The following TMEM270 variants were observed in gnomAD, a reference collection of about 807,000 sequenced individuals.
TMEM270 encodes the protein transmembrane protein 270, also known as Williams-Beuren syndrome chromosome region 28.
Under a neutral mutation model 29.9 loss-of-function variants are expected in TMEM270, and 30 were observed. The ratio of observed to expected loss-of-function variants is 1.00; its 90% CI spans 0.75 to 1.36. The LOEUF is 1.36. Among genes scored for constraint, TMEM270 ranks in the 40% most tolerant of loss-of-function variants. The pLI is 0.00. For synonymous variants in TMEM270, 135 were observed against 139.8 expected (o/e 0.97, Z 0.24); for missense variants, 313 against 307.1 (o/e 1.02, Z -0.14).
intron 1 of TMEM270, among the ~76,000 whole-genome samples, chr7:73,863,137 C>T (rs1411183762): frequency 6.6e-6 from 1 of 152,130 alleles, no homozygotes. Context: ...CTCCACGTCC[C>T]AAGCTCTGCA....
At chr7:73,864,679 G>A (rs988051633) in intron 1 of TMEM270, among the ~76,000 whole-genome samples, 1 of 151,840 alleles carries the variant, frequency 6.6e-6, no homozygotes, top group Non-Finnish European at 1.5e-5. Flanking sequence ...GAGGCGGGTG[G>A]ATCATCTAAG....
At position 73,865,775 on chromosome 7, in the gene TMEM270, CAGG is replaced by C. The variant is rs1329182644; in HGVS notation, c.704_706del (p.Glu235del). 2.1e-5 allele frequency: 34 copies of C among 1,613,972 alleles called. No individual in the cohort carries two copies. Among genetic ancestry groups the C allele is most frequent in the Non-Finnish European group, 2.8e-5 (33 of 1,180,032 alleles). ...GGCCGAGGCCCAGGAGGTTGAACCC[CAGG>C]AGGTCTCAGGGTCTTCCTTGCTGCC... On this transcript the variant is annotated inframe_deletion, in exon 3 of 3. Coordinates refer to ENST00000320531, the MANE Select transcript of TMEM270 (RefSeq NM_182504.4).
chr7:73,865,663 C>T lies in TMEM270; in HGVS notation c.588C>T (p.Thr196=). ...YWWVETMTAL[T]SWHLAYLITW... is the part of the protein sequence containing the mutation. ...GGGTGGAGACTATGACTGCCCTCAC[C>T]TCCTGGCACCTGGCCTATCTCATCA... The change falls in exon 3 of 3, where the codon ACC becomes ACT. Residue 196 remains threonine (T), a synonymous_variant. Coordinates refer to ENST00000320531, the MANE Select transcript of TMEM270 (RefSeq NM_182504.4). The T allele has an allele frequency of 6.2e-7, 1 of 1,614,102 alleles. No individual in the cohort carries two copies. The highest frequency in any genetic ancestry group is 8.5e-7 in the Non-Finnish European group (1 of 1,179,986).
chr7:73,860,896 C>T (rs1417267899), upstream of TMEM270, among the ~76,000 whole-genome samples: 1 of 152,198 alleles, frequency 6.6e-6, no homozygotes, highest in Non-Finnish European at 1.5e-5. Context: ...ATCCTCCTAC[C>T]TTGGCCTCCC....
rs782345453 is a variant in TMEM270 at position 73,865,236 on chromosome 7, A to T, written c.316A>T (p.Thr106Ser). The change falls in exon 2 of 3, where the codon ACC becomes TCC. Residue 106 changes from threonine (T) to serine (S), a missense_variant. Physicochemically the swap from Thr to Ser is moderately conservative, Grantham distance 58. Transcript: ENST00000320531. ...RLMWAGMWGS[T>S]KGLGLALLSA... ...GATGTGGGCTGGCATGTGGGGCAGCACCAAGGGCCTGGGCCTGGCCTTGCT... is the reference window on the plus strand; with the variant it reads ...GATGTGGGCTGGCATGTGGGGCAGCTCCAAGGGCCTGGGCCTGGCCTTGCT... The T allele has an allele frequency of 6.2e-7, 1 of 1,613,674 alleles. No individual in the cohort carries two copies. Among genetic ancestry groups the T allele is most frequent in the South Asian group, 1.1e-5 (1 of 91,084 alleles).
chr7:73,864,184 G>T (rs1038928842), intron 1 of TMEM270, among the ~76,000 whole-genome samples: 1 of 150,572 alleles, frequency 6.6e-6, no homozygotes, highest in Non-Finnish European at 1.5e-5. Flanking sequence ...CTACTTGGGA[G>T]GCTAATGGGG....
chr7:73,861,558 TC>T, intron 1 of TMEM270: 7 of 556,016 alleles, frequency 1.3e-5, no homozygotes, highest in Non-Finnish European at 1.7e-5. Context: ...CAAGCAATCC[TC>T]CCCCCTCAGC....
intron 1 of TMEM270, 36 bp from the exon 2 acceptor site, chr7:73,864,957 G>T: frequency 2.9e-6 from 4 of 1,403,212 alleles, no homozygotes; most frequent in Non-Finnish European, 3.8e-6. Context: ...GGAGGGTGAT[G>T]ATGGCTGACG....
intron 1 of TMEM270, among the ~76,000 whole-genome samples, chr7:73,864,627 G>T (rs532765020): frequency 2.6e-5 from 4 of 152,148 alleles, no homozygotes; most frequent in Non-Finnish European, 5.9e-5. Flanking sequence ...TCCTGGCCAG[G>T]CGCAGTGGCT....
chr7:73,864,872 C>T (rs1788863829), intron 1 of TMEM270, 121 bp from the exon 2 acceptor site: 2 of 912,688 alleles, frequency 2.2e-6, no homozygotes, highest in Non-Finnish European at 3.1e-6. Flanking sequence ...CATTGCATTC[C>T]AGCCTGGGCA....
chr7:73,863,739 G>A (rs1584354419), intron 1 of TMEM270, among the ~76,000 whole-genome samples: 1 of 152,112 alleles, frequency 6.6e-6, no homozygotes, highest in East Asian at 1.9e-4. Context: ...TTCTCATTAG[G>A]TCTGTCGTGA....
At chr7:73,861,018 C>G (rs781975636), upstream of TMEM270, 3 of 640,646 alleles carry the variant, frequency 4.7e-6, no homozygotes, top group Non-Finnish European at 8.5e-6. Flanking sequence ...CCTCCTTGGC[C>G]GTGTTGGGCT....
At chr7:73,862,872 G>GAAAA (rs71082281) in intron 1 of TMEM270, among the ~76,000 whole-genome samples, 32 of 44,096 alleles carry the variant, frequency 7.3e-4, no homozygotes, top group African/African-American at 2.0e-3. Flanking sequence ...CCCTGTCTCA[G>GAAAA]AAAAAAAAAA....
At chr7:73,864,964 G>T in intron 1 of TMEM270, 29 bp from the exon 2 acceptor site, 2 of 1,443,194 alleles carry the variant, frequency 1.4e-6, no homozygotes, top group African/African-American at 1.4e-5. Context: ...GATGATGGCT[G>T]ACGGTTGTCT....
chr7:73,864,859 C>T (rs1333230844), intron 1 of TMEM270, 134 bp from the exon 2 acceptor site: 29 of 761,838 alleles, frequency 3.8e-5, no homozygotes, highest in African/African-American at 1.3e-4. Flanking sequence ...GCCGAGATAG[C>T]GCCATTGCAT....
At chr7:73,864,213 A>G (rs1026188891) in intron 1 of TMEM270, among the ~76,000 whole-genome samples, 2 of 150,110 alleles carry the variant, frequency 1.3e-5, no homozygotes, top group Non-Finnish European at 3.0e-5. Context: ...GCTTGAGCCT[A>G]TGAGTTCAAG....
Position 73,865,612 on chromosome 7 carries a change from G to A in TMEM270, c.537G>A (p.Leu179=). ...LQVNCVVRKL[L]VQLRRLYWWV... ...TGAACTGCGTGGTAAGGAAGCTCCT[G>A]GTACAGCTGAGACGTCTGTATTGGT... Residue 179 remains leucine (L), a synonymous_variant, in exon 3 of 3, where the codon CTG becomes CTA. Transcript: ENST00000320531. The A allele has an allele frequency of 1.2e-6, 2 of 1,614,092 alleles. No homozygotes were observed. Among genetic ancestry groups the A allele is most frequent in the Non-Finnish European group, 1.7e-6 (2 of 1,179,956 alleles).
At chr7:73,860,896 C>G (rs1417267899), upstream of TMEM270, among the ~76,000 whole-genome samples, 3 of 152,198 alleles carry the variant, frequency 2.0e-5, no homozygotes, top group Non-Finnish European at 4.4e-5. Flanking sequence ...ATCCTCCTAC[C>G]TTGGCCTCCC....
rs1563666518 is a variant in TMEM270 at position 73,865,757 on chromosome 7, GCCCAGGAGGTTGAAC to G, written c.693_707del (p.Glu232_Val236del). 2 of 1,614,120 alleles carry G rather than the reference GCCCAGGAGGTTGAAC, an allele frequency of 1.2e-6. No individual in the cohort carries two copies. The highest frequency in any genetic ancestry group is 4.5e-5 in the East Asian group (2 of 44,884). On this transcript the variant is annotated inframe_deletion, in exon 3 of 3. Transcript: ENST00000320531. ...TGAGCACACGACCCAGCTGGCCGAG[GCCCAGGAGGTTGAAC>G]CCCAGGAGGTCTCAGGGTCTTCCTT...
Sources: gnomAD v4.1 joint callset for allele counts (sites outside exome capture counted in the v4.1 genomes callset) on GRCh38, gnomAD v4.1.1 for gene constraint, MANE v1.5 for transcripts, NCBI Gene and HGNC (gene_info 2026-07-23, HGNC 2026-07-21) for gene names.